Variants in NBAS observed in about 807,000 individuals in gnomAD.
The protein encoded by NBAS is NAG/BC035112 fusion.
Under a neutral mutation model 302.5 loss-of-function variants are expected in NBAS, and 219 were observed. The ratio of observed to expected loss-of-function variants is 0.72; its 90% confidence interval spans 0.65 to 0.81. The LOEUF (loss-of-function observed/expected upper bound fraction) is 0.81, where lower values mean the gene tolerates loss of function less well. NBAS is among the 30% of genes least tolerant of loss of function. The pLI is 0.00. For synonymous variants in NBAS, 1,118 were observed against 1,021.6 expected (o/e 1.09, Z -1.80); for missense variants, 2,932 against 2,841.6 (o/e 1.03, Z -0.72).
intron 10 of NBAS, among the ~76,000 whole-genome samples, chr2:15,507,471 A>T (rs1393444450): frequency 6.6e-6 from 1 of 152,210 alleles, no homozygotes; most frequent in Non-Finnish European, 1.5e-5. Flanking sequence ...TAGTTTTCCA[A>T]AATTTTGATC....
At chr2:15,148,400 A>C in the NBAS span, among the ~76,000 whole-genome samples, 1 of 152,176 alleles carries the variant, frequency 6.6e-6, no homozygotes, top group Non-Finnish European at 1.5e-5. Context: ...GCAGGGCCTG[A>C]AACTCAGTCT....
intron 47 of NBAS, among the ~76,000 whole-genome samples, chr2:15,226,384 AT>A (rs987044061): frequency 1.3e-5 from 2 of 152,028 alleles, no homozygotes; most frequent in South Asian, 2.1e-4. Flanking sequence ...TTAGTGTTGA[AT>A]TTTTTTTAAA....
At chr2:15,039,395 AG>A in the NBAS span, among the ~76,000 whole-genome samples, 1 of 152,202 alleles carries the variant, frequency 6.6e-6, no homozygotes, top group African/African-American at 2.4e-5. Flanking sequence ...GAAAAAAGTC[AG>A]GGAAGGATTT....
intron 28 of NBAS, among the ~76,000 whole-genome samples, chr2:15,389,978 C>G (rs1675506389): frequency 6.6e-6 from 1 of 152,176 alleles, no homozygotes; most frequent in South Asian, 2.1e-4. Flanking sequence ...GAAACCAAAG[C>G]AGATAAAGCA....
At chr2:15,264,170 G>C (rs760830313) in intron 44 of NBAS, among the ~76,000 whole-genome samples, 1 of 152,194 alleles carries the variant, frequency 6.6e-6, no homozygotes, top group Non-Finnish European at 1.5e-5. Context: ...AGAAAGAGGA[G>C]AGCACTGTAG....
At chr2:15,013,442 A>G in the NBAS span, among the ~76,000 whole-genome samples, 1 of 152,216 alleles carries the variant, frequency 6.6e-6, no homozygotes, top group Non-Finnish European at 1.5e-5. Flanking sequence ...TCCTCCCTTA[A>G]TAGTAATAAT....
chr2:15,472,480 T>C (rs1680002113), intron 16 of NBAS, among the ~76,000 whole-genome samples: 1 of 152,108 alleles, frequency 6.6e-6, no homozygotes, highest in African/African-American at 2.4e-5. Context: ...TTGGCCATGA[T>C]TCCTTAATTA....
the NBAS span, among the ~76,000 whole-genome samples, chr2:14,957,900 G>A: frequency 6.6e-6 from 1 of 152,162 alleles, no homozygotes; most frequent in Non-Finnish European, 1.5e-5. Flanking sequence ...AGCAACATTT[G>A]GGGACATGCC....
chr2:15,239,603 A>T (rs1282881713), intron 44 of NBAS, among the ~76,000 whole-genome samples: 1 of 151,936 alleles, frequency 6.6e-6, no homozygotes, highest in Non-Finnish European at 1.5e-5. Flanking sequence ...ATATTGGAGC[A>T]TTTCAGATTC....
At chr2:15,271,416 T>C (rs1476376424) in intron 44 of NBAS, among the ~76,000 whole-genome samples, 1 of 152,262 alleles carries the variant, frequency 6.6e-6, no homozygotes, top group Non-Finnish European at 1.5e-5. Flanking sequence ...ATGTTTCCCA[T>C]TAGAAGCAGT....
chr2:15,375,691 T>C (rs910759658), intron 30 of NBAS, among the ~76,000 whole-genome samples: 6 of 152,170 alleles, frequency 3.9e-5, no homozygotes, highest in Admixed American at 3.3e-4. Context: ...AATTCTAAAT[T>C]ACAAATAAAT....
chr2:14,924,140 C>A, the NBAS span, among the ~76,000 whole-genome samples: 1 of 152,154 alleles, frequency 6.6e-6, no homozygotes, highest in Non-Finnish European at 1.5e-5. Context: ...AATTTGGAAA[C>A]CGAAGAGTAA....
chr2:15,134,252 T>A, the NBAS span, among the ~76,000 whole-genome samples: 1 of 152,130 alleles, frequency 6.6e-6, no homozygotes, highest in Non-Finnish European at 1.5e-5. Flanking sequence ...AAGAGCTCTC[T>A]CACCTCCTTT....
At chr2:15,456,955 A>G (rs1231338921) in intron 21 of NBAS, among the ~76,000 whole-genome samples, 1 of 152,218 alleles carries the variant, frequency 6.6e-6, no homozygotes, top group African/African-American at 2.4e-5. Context: ...GCTTATATGA[A>G]AAATGTGATC....
chr2:15,494,079 C>A (rs1680974710), intron 11 of NBAS, among the ~76,000 whole-genome samples: 1 of 152,176 alleles, frequency 6.6e-6, no homozygotes, highest in Non-Finnish European at 1.5e-5. Flanking sequence ...CTACTTAGGC[C>A]TCCCAAAATG....
At chr2:15,222,975 C>T (rs1425977532) in intron 47 of NBAS, among the ~76,000 whole-genome samples, 6 of 152,128 alleles carry the variant, frequency 3.9e-5, no homozygotes. Flanking sequence ...GTTGATAGTT[C>T]AAACATATAA....
At chr2:14,859,166 T>C in the NBAS span, among the ~76,000 whole-genome samples, 1 of 151,922 alleles carries the variant, frequency 6.6e-6, no homozygotes, top group Non-Finnish European at 1.5e-5. Flanking sequence ...TATAAAACAC[T>C]GATGAAAGGA....
At chr2:15,332,963 G>A (rs1374097160) in intron 35 of NBAS, among the ~76,000 whole-genome samples, 1 of 152,172 alleles carries the variant, frequency 6.6e-6, no homozygotes, top group Non-Finnish European at 1.5e-5. Flanking sequence ...AGGCAATGGG[G>A]TGACAAAAAG....
chr2:15,256,700 G>A (rs531860655), intron 44 of NBAS, among the ~76,000 whole-genome samples: 12 of 152,262 alleles, frequency 7.9e-5, no homozygotes, highest in Admixed American at 2.0e-4. Flanking sequence ...GTCTGTCAGC[G>A]ATGCCTTTTA....
Sources: allele counts gnomAD v4.1 joint callset (sites outside exome capture counted in the v4.1 genomes callset), GRCh38; gene constraint gnomAD v4.1.1; transcripts MANE v1.5; gene names NCBI Gene and HGNC (gene_info 2026-07-23, HGNC 2026-07-21).